Variants in NDRG3 observed in about 807,000 individuals in gnomAD.
The protein encoded by NDRG3 is protein NDRG3.
In NDRG3, 23 loss-of-function variants were observed where a neutral mutation model predicts 57.2. That is an observed-to-expected ratio of 0.40 (90% CI 0.29 to 0.57). NDRG3 has a LOEUF of 0.57. NDRG3 is among the 20% of genes least tolerant of loss of function. NDRG3 has a pLI of 0.42. For synonymous variants in NDRG3, 132 were observed against 162.6 expected (o/e 0.81, Z 1.43); for missense variants, 384 against 457.3 (o/e 0.84, Z 1.46).
intron 1 of NDRG3, 68 bp from the exon 2 acceptor site, chr20:36,721,851 T>C: frequency 1.5e-6 from 1 of 689,612 alleles, no homozygotes; most frequent in South Asian, 1.8e-5. Flanking sequence ...ATAGTCACAG[T>C]ACACCCATTC....
At position 36,660,320 on chromosome 20, in the gene NDRG3, G is replaced by A; in HGVS notation, c.858+17C>T. The A allele has an allele frequency of 6.3e-7, 1 of 1,589,086 alleles. No individual in the cohort carries two copies. Among genetic ancestry groups the A allele is most frequent in the Middle Eastern group, 1.7e-4 (1 of 5,902 alleles). On this transcript the variant is annotated intron_variant, in intron 13 of 15. Transcript: ENST00000349004. ...AGCACATATAAGGGTTGGAAGTGAG[G>A]GAAGAAGGCACATTACCTTTAGCAA...
intron 1 of NDRG3, among the ~76,000 whole-genome samples, chr20:36,738,579 T>C (rs779731085): frequency 6.6e-6 from 1 of 150,744 alleles, no homozygotes; most frequent in Admixed American, 6.6e-5. Context: ...TCCCAACACT[T>C]TGGGAGGCCG....
intron 3 of NDRG3, among the ~76,000 whole-genome samples, chr20:36,699,743 G>C (rs1983084616): frequency 6.6e-6 from 1 of 151,984 alleles, no homozygotes; most frequent in South Asian, 2.1e-4. Context: ...ATGGGGATGA[G>C]ACAGTGAGCT....
chr20:36,680,481 T>C (rs1363303677), intron 8 of NDRG3, among the ~76,000 whole-genome samples: 3 of 68,408 alleles, frequency 4.4e-5, no homozygotes, highest in Non-Finnish European at 1.1e-4. Context: ...TGAGACTCCA[T>C]CTCAAAAAAA....
chr20:36,738,304 G>A (rs528934727), intron 1 of NDRG3, among the ~76,000 whole-genome samples: 2 of 151,658 alleles, frequency 1.3e-5, no homozygotes, highest in East Asian at 3.9e-4. Context: ...AGACCAGCCT[G>A]GCCAACATGG....
chr20:36,671,282 A>T lies in NDRG3; in HGVS notation c.588+59T>A. On this transcript the variant is annotated intron_variant, in intron 9 of 15. Coordinates refer to ENST00000349004, the MANE Select transcript of NDRG3 (RefSeq NM_032013.4). The stretch of plus-strand genomic sequence containing the variant: ...AGGCAGCCCTTCTTTCCTAAGGTAA[A>T]ATAAGAATTTGCATGCAAGCCAATA... 6.5e-6 allele frequency: 9 copies of T among 1,390,048 alleles called. No individual in the cohort carries two copies. The South Asian group carries it at 8.4e-5, about 13-fold the overall frequency. 86.1% of individuals were successfully genotyped at this position (1,390,048 alleles called of 1,614,324 possible). A position where few individuals can be genotyped will look rare whatever the true frequency, so the allele number is the denominator to read the frequency against.
intron 1 of NDRG3, among the ~76,000 whole-genome samples, chr20:36,733,194 ATATATATATG>A (rs1985425222): frequency 7.7e-6 from 1 of 129,482 alleles, no homozygotes; most frequent in African/African-American, 2.9e-5. Flanking sequence ...ATATATATAT[ATATATATATG>A]CACATATAAA....
chr20:36,698,923 A>G (rs1983025703), intron 3 of NDRG3, among the ~76,000 whole-genome samples: 1 of 152,152 alleles, frequency 6.6e-6, no homozygotes, highest in East Asian at 1.9e-4. Context: ...TTATTTATAT[A>G]TATGTATACA....
intron 1 of NDRG3, among the ~76,000 whole-genome samples, chr20:36,734,356 TGA>T (rs1414702735): frequency 6.6e-6 from 1 of 152,116 alleles, no homozygotes; most frequent in African/African-American, 2.4e-5. Flanking sequence ...ATGAAAAGAC[TGA>T]GAGTGAAAAG....
At chr20:36,714,065 TA>T (rs1251054683) in intron 2 of NDRG3, among the ~76,000 whole-genome samples, 1 of 152,108 alleles carries the variant, frequency 6.6e-6, no homozygotes, top group Non-Finnish European at 1.5e-5. Flanking sequence ...AAGATTCATA[TA>T]ATCAACTAGT....
intron 6 of NDRG3, among the ~76,000 whole-genome samples, chr20:36,683,675 T>TAC (rs1348508188): frequency 1.3e-5 from 2 of 148,200 alleles, no homozygotes; most frequent in Admixed American, 6.8e-5. Context: ...CATATATATA[T>TAC]ACACACACAT....
intron 2 of NDRG3, among the ~76,000 whole-genome samples, chr20:36,719,493 G>A (rs1297238375): frequency 6.6e-6 from 1 of 151,212 alleles, no homozygotes; most frequent in Non-Finnish European, 1.5e-5. Context: ...GATAAAAGAA[G>A]GGGTGGGAGT....
At position 36,698,534 on chromosome 20, in the gene NDRG3, C is replaced by A. The variant is rs149163979; in HGVS notation, c.93+8438G>T. Among the ~76,000 whole-genome samples, 391 of 151,788 alleles carry A rather than the reference C, an allele frequency of 2.6e-3. 2 individuals are homozygous for A. Among genetic ancestry groups the A allele is most frequent in the African/African-American group, 8.9e-3 (369 of 41,386 alleles). ...TGAGCTACAGTAAGCCATGTTCTTG[C>A]CACTGCACTCCAGCCTGGGTGACAG... is the stretch of plus-strand genomic sequence containing the variant. On this transcript the variant is annotated intron_variant, in intron 3 of 15. Coordinates refer to ENST00000349004, the MANE Select transcript of NDRG3 (RefSeq NM_032013.4).
intron 1 of NDRG3, among the ~76,000 whole-genome samples, chr20:36,733,158 AAAAAAAAAAAAAAATATATAT>A (rs1490438691): frequency 8.6e-5 from 4 of 46,408 alleles, no homozygotes; most frequent in African/African-American, 3.8e-4. Context: ...AAAAAAAAAA[AAAAAAAAAAAAAAATATATAT>A]ATATATATAT....
At chr20:36,706,645 A>G (rs1224164609) in intron 3 of NDRG3, among the ~76,000 whole-genome samples, 2 of 152,104 alleles carry the variant, frequency 1.3e-5, no homozygotes, top group Non-Finnish European at 2.9e-5. Context: ...CTGGCATTAC[A>G]AGCATGCACC....
intron 3 of NDRG3, among the ~76,000 whole-genome samples, chr20:36,699,894 A>T (rs1429845096): frequency 2.0e-5 from 3 of 152,052 alleles, no homozygotes; most frequent in African/African-American, 7.2e-5. Context: ...AGGCTGAGGC[A>T]GGCGGATCAC....
At chr20:36,655,874 G>C (rs917646555) in intron 15 of NDRG3, among the ~76,000 whole-genome samples, 1 of 152,110 alleles carries the variant, frequency 6.6e-6, no homozygotes, top group Non-Finnish European at 1.5e-5. Context: ...GGTAGCTCAC[G>C]CATGTAATCC....
At chr20:36,732,904 C>T (rs963926676) in intron 1 of NDRG3, among the ~76,000 whole-genome samples, 3 of 151,542 alleles carry the variant, frequency 2.0e-5, no homozygotes, top group Admixed American at 6.6e-5. Flanking sequence ...TCTAGCATTT[C>T]GGGAGGCCAA....
intron 8 of NDRG3, 73 bp downstream of exon 8, chr20:36,680,743 C>G (rs944721901): frequency 5.0e-5 from 58 of 1,155,648 alleles, no homozygotes; most frequent in Middle Eastern, 1.9e-4. Flanking sequence ...GTATATATAC[C>G]TCAATGAAAA....
Sources: allele counts gnomAD v4.1 joint callset (sites outside exome capture counted in the v4.1 genomes callset), GRCh38; gene constraint gnomAD v4.1.1; transcripts MANE v1.5; gene names NCBI Gene and HGNC (gene_info 2026-07-23, HGNC 2026-07-21).